The following NAE1 variants were observed in gnomAD, a reference collection of about 807,000 sequenced individuals.
NAE1 encodes the protein NEDD8-activating enzyme E1 regulatory subunit.
A neutral mutation model predicts 88.0 loss-of-function variants in NAE1; 59 were observed. That is an observed-to-expected ratio of 0.67 (90% CI 0.54 to 0.83). The LOEUF is 0.83. NAE1 is among the 40% of genes least tolerant of loss of function. The probability of loss-of-function intolerance (pLI) is 0.00; values close to 1 mark genes in which losing one functional copy is unlikely to be tolerated. For synonymous variants in NAE1, 186 were observed against 208.9 expected, an observed-to-expected ratio of 0.89 and a Z score of 0.95; for missense variants, 554 against 632.8, an observed-to-expected ratio of 0.88 and a Z score of 1.34.
At chr16:66,817,089 G>C in intron 9 of NAE1, 61 bp from the exon 10 acceptor site, 1 of 1,529,308 alleles carries the variant, frequency 6.5e-7, no homozygotes, top group Non-Finnish European at 8.8e-7. Context: ...GAAATTGAAA[G>C]TCTAAAGTGT....
Position 66,830,783 on chromosome 16 carries a change from T to A in NAE1, c.53+64A>T, listed in dbSNP as rs977773666. 14 of 1,458,780 alleles carry A rather than the reference T, an allele frequency of 9.6e-6. No homozygotes were observed. The African/African-American group carries it at 1.5e-4, about 15-fold the overall frequency. 90.4% of individuals were successfully genotyped at this position (1,458,780 alleles called of 1,614,324 possible). Reference sequence around the variant, plus strand: ...GGCCCGACCGCGCCGCCCGCGCCCTTAGGCCCGGCCCGAATGCTGGAAAGC... The same window carrying A: ...GGCCCGACCGCGCCGCCCGCGCCCTAAGGCCCGGCCCGAATGCTGGAAAGC... On this transcript the variant is annotated intron_variant, in intron 1 of 19. Coordinates refer to ENST00000290810, the MANE Select transcript of NAE1 (RefSeq NM_003905.4).
chr16:66,808,941 TTTAAA>T (rs1959679618), intron 16 of NAE1, 43 bp downstream of exon 16: 1 of 1,283,334 alleles, frequency 7.8e-7, no homozygotes, highest in Admixed American at 2.1e-5. Flanking sequence ...ATTTATATCT[TTTAAA>T]TTAATTAAAA....
intron 3 of NAE1, 74 bp from the exon 4 acceptor site, chr16:66,824,959 G>T: frequency 7.7e-7 from 1 of 1,306,162 alleles, no homozygotes; most frequent in Non-Finnish European, 1.1e-6. Context: ...GTAATAGCAT[G>T]CATATTTCAT....
At chr16:66,825,789 G>A (rs896385499) in intron 3 of NAE1, among the ~76,000 whole-genome samples, 6 of 151,836 alleles carry the variant, frequency 4.0e-5, no homozygotes, top group Admixed American at 2.0e-4. Context: ...GCCACTTTTC[G>A]GTATAAGCTC....
chr16:66,804,926 A>G (rs979802737), intron 19 of NAE1, among the ~76,000 whole-genome samples: 1 of 152,080 alleles, frequency 6.6e-6, no homozygotes, highest in African/African-American at 2.4e-5. Flanking sequence ...TAGCCTCCAG[A>G]ACTCTGTGAC....
In NAE1 at chr16:66,830,912, C is replaced by T. The variant is rs1235814924; in HGVS notation, c.-13G>A. On this transcript the variant is annotated 5_prime_UTR_variant, in exon 1 of 20. Coordinates refer to ENST00000290810, the MANE Select transcript of NAE1 (RefSeq NM_003905.4). ...CCAGCTGCGCCATGGCCGCGCCTGC[C>T]GCGCGGAAAACAGCCGAGCCCCTGC... 2 of 1,531,912 alleles carry T rather than the reference C, an allele frequency of 1.3e-6. No homozygotes were observed. The highest frequency in any genetic ancestry group is 1.9e-5 in the Admixed American group (1 of 51,972). The allele number at this position is 1,531,912 out of a possible 1,614,324, so 94.9% of individuals were successfully genotyped here. A position where few individuals can be genotyped will look rare whatever the true frequency, so the allele number is the denominator to read the frequency against.
chr16:66,803,148 T>C (rs757268827), intron 19 of NAE1, 30 bp from the exon 20 acceptor site: 2 of 1,418,540 alleles, frequency 1.4e-6, no homozygotes, highest in Non-Finnish European at 2.0e-6. Context: ...AAGCAAATCT[T>C]TGAAAGAGTA....
At chr16:66,810,009 C>A (rs576891855) in intron 15 of NAE1, among the ~76,000 whole-genome samples, 2 of 152,146 alleles carry the variant, frequency 1.3e-5, no homozygotes, top group South Asian at 2.1e-4. Flanking sequence ...GTATTTAAAC[C>A]AATATTGTCA....
In NAE1 at chr16:66,826,539, C is replaced by T. The variant is rs1212476838; in HGVS notation, c.202G>A (p.Glu68Lys). 1 of 1,614,032 alleles carries T rather than the reference C, an allele frequency of 6.2e-7. No individual in the cohort carries two copies. Among genetic ancestry groups the T allele is most frequent in the Non-Finnish European group, 8.5e-7 (1 of 1,180,038 alleles). ...AGAACATACTTGTTTCCAGCATCTT[C>T]TCCGCTGACCTGATTTCCATCAATA... ...TIIDGNQVSGEDAGNNFFLQR... is the reference protein window; with the variant it reads ...TIIDGNQVSGKDAGNNFFLQR... Residue 68 changes from glutamate to lysine, a missense_variant, in exon 3 of 20, where the codon GAA (glutamate) becomes AAA (lysine). Glu to Lys is a moderately conservative substitution (Grantham distance 56, BLOSUM62 1). Coordinates refer to ENST00000290810, the MANE Select transcript of NAE1 (RefSeq NM_003905.4).
intron 11 of NAE1, among the ~76,000 whole-genome samples, chr16:66,815,202 ATCTTT>A (rs1488874120): frequency 5.9e-5 from 9 of 152,302 alleles, no homozygotes; most frequent in East Asian, 3.8e-4. Flanking sequence ...AACTATTAGA[ATCTTT>A]TCTTTTCAAC....
At chr16:66,827,686 T>C (rs981725312) in intron 1 of NAE1, 8 of 343,026 alleles carry the variant, frequency 2.3e-5, no homozygotes, top group African/African-American at 1.2e-4. Context: ...TGAATTATCA[T>C]CTGAAAAGCC....
intron 17 of NAE1, 171 bp from the exon 18 acceptor site, chr16:66,806,197 G>A (rs988918027): frequency 4.4e-6 from 3 of 684,988 alleles, no homozygotes; most frequent in African/African-American, 1.9e-5. Context: ...TATAATCAGA[G>A]ACCAACTAAA....
At chr16:66,822,675 T>G in intron 6 of NAE1, among the ~76,000 whole-genome samples, 1 of 141,746 alleles carries the variant, frequency 7.1e-6, no homozygotes, top group South Asian at 2.4e-4. Context: ...TATTTATTTA[T>G]TTTTTTTTTT....
At chr16:66,830,011 G>A (rs576065966) in intron 1 of NAE1, among the ~76,000 whole-genome samples, 15 of 152,282 alleles carry the variant, frequency 9.9e-5, no homozygotes, top group Middle Eastern at 3.4e-3. Flanking sequence ...TCAGCCTCCA[G>A]AGTAACTGGG....
chr16:66,807,864 T>C (rs900939135), intron 17 of NAE1, among the ~76,000 whole-genome samples: 1 of 152,044 alleles, frequency 6.6e-6, no homozygotes, highest in African/African-American at 2.4e-5. Flanking sequence ...AACAAAGAAA[T>C]TCCTACATCT....
At chr16:66,813,420 C>G in intron 13 of NAE1, 144 bp downstream of exon 13, 1 of 998,874 alleles carries the variant, frequency 1.0e-6, no homozygotes, top group East Asian at 2.6e-5. Context: ...GGATTACAGG[C>G]ATGAGCCACT....
intron 6 of NAE1, among the ~76,000 whole-genome samples, chr16:66,822,912 C>T (rs1039917076): frequency 1.3e-5 from 2 of 149,750 alleles, no homozygotes; most frequent in African/African-American, 4.9e-5. Flanking sequence ...TCGTGATCCA[C>T]CTGCCTCGGC....
rs200209122 is a variant in NAE1, at chr16:66,802,975, A to G, written c.*34T>C. 5 of 1,329,614 alleles carry G rather than the reference A, an allele frequency of 3.8e-6. No homozygotes were observed. In the African/African-American group the frequency reaches 7.2e-5, roughly 19 times the overall value. 82.4% of individuals were successfully genotyped at this position (1,329,614 alleles called of 1,614,324 possible). ...CAACCCGAAGGCAATTACAGTTTCA[A>G]TCATTAACACACTACTTAAGGTGCT... On this transcript the variant is annotated 3_prime_UTR_variant, in exon 20 of 20. Coordinates refer to ENST00000290810, the MANE Select transcript of NAE1 (RefSeq NM_003905.4).
intron 1 of NAE1, among the ~76,000 whole-genome samples, chr16:66,828,989 T>TG (rs1440736109): frequency 3.8e-5 from 5 of 131,920 alleles, no homozygotes; most frequent in Non-Finnish European, 6.1e-5. Context: ...ACCTTGTCCC[T>TG]GAAAAAAAAA....
Sources: allele counts gnomAD v4.1 joint callset (sites outside exome capture counted in the v4.1 genomes callset), GRCh38; gene constraint gnomAD v4.1.1; transcripts MANE v1.5; gene names NCBI Gene and HGNC (gene_info 2026-07-23, HGNC 2026-07-21).